The following ZFPM2 variants were observed in gnomAD, a reference collection of about 807,000 sequenced individuals.
ZFPM2 encodes the protein zinc finger protein ZFPM2.
Under a neutral mutation model 98.6 loss-of-function variants are expected in ZFPM2, and 20 were observed. The observed-to-expected ratio is 0.20, with a 90% confidence interval of 0.14 to 0.29. The LOEUF (loss-of-function observed/expected upper bound fraction) is 0.29. ZFPM2 is among the 10% of genes least tolerant of loss of function. The pLI is 1.00. For synonymous variants in ZFPM2, 518 were observed against 502.7 expected, an observed-to-expected ratio of 1.03 and a Z score of -0.41; for missense variants, 1,310 against 1,388.6, an observed-to-expected ratio of 0.94 and a Z score of 0.90.
Position 105,527,519 on chromosome 8 carries a change from C to T in ZFPM2, c.302-33844C>T, listed in dbSNP as rs147050623. 2.3e-3 allele frequency among the ~76,000 whole-genome samples: 357 copies of T among 152,304 alleles called. 3 individuals are homozygous for T. Among genetic ancestry groups the T allele is most frequent in the African/African-American group, 8.3e-3 (347 of 41,570 alleles). Reference sequence around the variant, plus strand: ...TTGTTTTAAGTTGTGCGTTGAAACTCATGAAGCAGAGCTGAACCAATGACT... The same window carrying T: ...TTGTTTTAAGTTGTGCGTTGAAACTTATGAAGCAGAGCTGAACCAATGACT... On this transcript the variant is annotated intron_variant, in intron 3 of 7. Transcript: ENST00000407775.
intron 5 of ZFPM2, among the ~76,000 whole-genome samples, chr8:105,728,032 A>G (rs1212082723): frequency 6.6e-6 from 1 of 151,654 alleles, no homozygotes; most frequent in Non-Finnish European, 1.5e-5. Flanking sequence ...GAGAGATGAG[A>G]TTAGAAAGAC....
At chr8:105,661,517 G>A (rs1031130357) in intron 5 of ZFPM2, among the ~76,000 whole-genome samples, 7 of 152,204 alleles carry the variant, frequency 4.6e-5, no homozygotes, top group Middle Eastern at 6.8e-3. Flanking sequence ...TTTACCTGCC[G>A]AAAATAAGGG....
chr8:105,375,895 A>C (rs1472540313), intron 1 of ZFPM2, among the ~76,000 whole-genome samples: 1 of 152,168 alleles, frequency 6.6e-6, no homozygotes, highest in African/African-American at 2.4e-5. Flanking sequence ...TCATTCCAAC[A>C]TGAATAATAA....
intron 3 of ZFPM2, among the ~76,000 whole-genome samples, chr8:105,446,007 G>A (rs1294697980): frequency 2.0e-5 from 3 of 151,046 alleles, no homozygotes; most frequent in Non-Finnish European, 4.4e-5. Flanking sequence ...CACAACCTCC[G>A]CTTCCCAAGT....
intron 5 of ZFPM2, among the ~76,000 whole-genome samples, chr8:105,752,655 C>T (rs1276162996): frequency 6.6e-6 from 1 of 152,052 alleles, no homozygotes; most frequent in African/African-American, 2.4e-5. Context: ...AATTAACCAC[C>T]TTATTTGAAA....
At chr8:105,408,546 C>T (rs1357118386) in intron 1 of ZFPM2, among the ~76,000 whole-genome samples, 2 of 151,750 alleles carry the variant, frequency 1.3e-5, no homozygotes, top group Non-Finnish European at 2.9e-5. Context: ...TTTCTTCATC[C>T]CCTAAAGATG....
chr8:105,651,184 T>G (rs2130868373), intron 5 of ZFPM2, among the ~76,000 whole-genome samples: 1 of 152,290 alleles, frequency 6.6e-6, no homozygotes, highest in African/African-American at 2.4e-5. Context: ...TTTCTCCTCA[T>G]TTATGTATTT....
At chr8:105,622,527 C>A (rs1033706461) in intron 4 of ZFPM2, among the ~76,000 whole-genome samples, 11 of 152,172 alleles carry the variant, frequency 7.2e-5, no homozygotes, top group African/African-American at 2.7e-4. Context: ...AGATTTAAGA[C>A]ATTTTCCAGG....
At chr8:105,708,433 T>C (rs1404222294) in intron 5 of ZFPM2, among the ~76,000 whole-genome samples, 2 of 150,836 alleles carry the variant, frequency 1.3e-5, no homozygotes, top group African/African-American at 4.8e-5. Context: ...TTGCCATTGT[T>C]TGTTTGTTTG....
chr8:105,520,627 G>A (rs997861252), intron 3 of ZFPM2, among the ~76,000 whole-genome samples: 5 of 152,058 alleles, frequency 3.3e-5, no homozygotes, highest in Non-Finnish European at 2.9e-5. Context: ...GTGCATAGGA[G>A]CAGATGGTTG....
At chr8:105,497,640 G>T (rs1263907413) in intron 3 of ZFPM2, among the ~76,000 whole-genome samples, 1 of 152,062 alleles carries the variant, frequency 6.6e-6, no homozygotes, top group Non-Finnish European at 1.5e-5. Context: ...CATATATTAA[G>T]AATTAGCTTT....
rs186994964 is a variant in ZFPM2 at position 105,766,959 on chromosome 8, A to G, written c.533-21759A>G. ...AGTTTAAGAAATAGTCAAGCAAATT[A>G]TGAAATGATTGATGGTGAAAATAAT... On this transcript the variant is annotated intron_variant, in intron 5 of 7. Transcript: ENST00000407775. 6.5e-4 allele frequency among the ~76,000 whole-genome samples: 99 copies of G among 152,072 alleles called. No homozygotes were observed. In the East Asian group the frequency reaches 0.019, roughly 29 times the overall value.
At position 105,725,889 on chromosome 8, in the gene ZFPM2, G is replaced by A. The variant is rs75965690; in HGVS notation, c.533-62829G>A. On this transcript the variant is annotated intron_variant, in intron 5 of 7. Coordinates refer to ENST00000407775, the MANE Select transcript of ZFPM2 (RefSeq NM_012082.4). ...TAATTTGTGGGAAGAGGGCCATTGG[G>A]TCTATGATTCAACCCAGTTCAACAA... Among the ~76,000 whole-genome samples, 361 of 151,778 alleles carry A rather than the reference G, an allele frequency of 2.4e-3. 2 individuals carry two copies. Among genetic ancestry groups the A allele is most frequent in the African/African-American group, 8.2e-3 (340 of 41,474 alleles).
At chr8:105,357,148 C>G (rs1338517012) in intron 1 of ZFPM2, among the ~76,000 whole-genome samples, 1 of 152,162 alleles carries the variant, frequency 6.6e-6, no homozygotes, top group Non-Finnish European at 1.5e-5. Flanking sequence ...GAGTCCCTGC[C>G]TCTTGCCTTT....
chr8:105,381,668 T>C (rs1357409063), intron 1 of ZFPM2, among the ~76,000 whole-genome samples: 1 of 152,138 alleles, frequency 6.6e-6, no homozygotes, highest in Non-Finnish European at 1.5e-5. Context: ...TTTAATAATA[T>C]TAATAGCTTA....
chr8:105,559,549 A>T (rs1162085576), intron 3 of ZFPM2, among the ~76,000 whole-genome samples: 3 of 152,208 alleles, frequency 2.0e-5, no homozygotes, highest in Admixed American at 6.6e-5. Flanking sequence ...TGAAATTGTT[A>T]TGAACATTGC....
intron 5 of ZFPM2, among the ~76,000 whole-genome samples, chr8:105,759,475 C>T (rs1249893923): frequency 6.6e-6 from 1 of 151,942 alleles, no homozygotes; most frequent in Non-Finnish European, 1.5e-5. Flanking sequence ...TTTTCTAAGG[C>T]TCCCAATTAT....
chr8:105,556,721 C>T (rs150805744), intron 3 of ZFPM2, among the ~76,000 whole-genome samples: 10 of 94,068 alleles, frequency 1.1e-4, no homozygotes, highest in East Asian at 3.4e-4. Context: ...TCCCTTCCCT[C>T]CCCTCCCCTC....
chr8:105,730,759 T>A lies in ZFPM2; in HGVS notation c.533-57959T>A, dbSNP rs1178371921. On this transcript the variant is annotated intron_variant, in intron 5 of 7. Transcript: ENST00000407775. ...TCTGTCTAGAAGTCAAAGCGACACC[T>A]GAACTTTTTCTTTTTTCTTTTTTTT... Among the ~76,000 whole-genome samples, 4 of 145,874 alleles carry A rather than the reference T, an allele frequency of 2.7e-5. No homozygotes were observed. The Admixed American group carries it at 2.8e-4, about 10-fold the overall frequency.
Sources: gnomAD v4.1 joint callset for allele counts (sites outside exome capture counted in the v4.1 genomes callset) on GRCh38, gnomAD v4.1.1 for gene constraint, MANE v1.5 for transcripts, NCBI Gene and HGNC (gene_info 2026-07-23, HGNC 2026-07-21) for gene names.